The following ABCC2 variants were observed in gnomAD, a reference collection of about 807,000 sequenced individuals.
ABCC2 encodes the protein ATP binding cassette subfamily C member 2.
In ABCC2, 157 loss-of-function variants were observed where a neutral mutation model predicts 173.4. The observed-to-expected ratio is 0.91, with a 90% CI of 0.80 to 1.03. The LOEUF (loss-of-function observed/expected upper bound fraction) is 1.03, where lower values mean the gene tolerates loss of function less well. ABCC2 is among the 50% of genes least tolerant of loss of function. The pLI is 0.00. For missense variants in ABCC2, 1,822 were observed against 1,852.3 expected, an observed-to-expected ratio of 0.98 and a Z score of 0.30; for synonymous variants, 657 against 693.5, an observed-to-expected ratio of 0.95 and a Z score of 0.83.
At chr10:99,811,867 G>A (rs1259803939) in intron 15 of ABCC2, among the ~76,000 whole-genome samples, 1 of 152,220 alleles carries the variant, frequency 6.6e-6, no homozygotes, top group African/African-American at 2.4e-5. Context: ...ATTTGTGTGT[G>A]CAGATTGTGG....
chr10:99,805,924 A>C (rs977195763), intron 11 of ABCC2, among the ~76,000 whole-genome samples: 1 of 152,142 alleles, frequency 6.6e-6, no homozygotes, highest in African/African-American at 2.4e-5. Flanking sequence ...AAAAAAATTA[A>C]CATTCTTTGA....
At position 99,844,375 on chromosome 10, in the gene ABCC2, G is replaced by T. The variant is rs2038986485; in HGVS notation, c.3897G>T (p.Lys1299Asn). ...RPPPDWPSKG[K>N]IQFNNYQVRY... Reference sequence around the variant, plus strand: ...CGCCAGATTGGCCCAGCAAAGGCAAGATCCAGTTTAACAACTACCAAGTGC... The same window carrying T: ...CGCCAGATTGGCCCAGCAAAGGCAATATCCAGTTTAACAACTACCAAGTGC... The change falls in exon 28 of 32, where the codon AAG becomes AAT. Residue 1299 changes from lysine (K) to asparagine (N), a missense_variant. Transcript: ENST00000647814. 1.2e-6 allele frequency: 2 copies of T among 1,614,104 alleles called. No individual in the cohort carries two copies. Among genetic ancestry groups the T allele is most frequent in the East Asian group, 2.2e-5 (1 of 44,894 alleles).
intron 10 of ABCC2, 85 bp downstream of exon 10, chr10:99,804,358 G>A: frequency 6.3e-7 from 1 of 1,578,482 alleles, no homozygotes; most frequent in African/African-American, 1.4e-5. Flanking sequence ...CTTAATGGGA[G>A]TTTGGGCAAG....
intron 14 of ABCC2, 150 bp from the exon 15 acceptor site, chr10:99,811,386 A>C: frequency 3.9e-6 from 3 of 768,122 alleles, no homozygotes; most frequent in Non-Finnish European, 6.8e-6. Flanking sequence ...GTCTCATTCT[A>C]GGAGATTTCA....
chr10:99,813,119 A>G lies in ABCC2; in HGVS notation c.2069A>G (p.Asn690Ser). Residue 690 changes from asparagine to serine, a missense_variant, in exon 16 of 32, where the codon AAT (asparagine) becomes AGT (serine). Asn to Ser is a conservative substitution (Grantham distance 46, BLOSUM62 1). Transcript: ENST00000647814. ...TCAGCCATGCTGGGAGAAATGGAAA[A>G]TGTCCACGGGCACATCACCATCAAG... is the stretch of plus-strand genomic sequence containing the variant. Reference protein sequence around the residue: ...LISAMLGEMENVHGHITIKGT... With the variant: ...LISAMLGEMESVHGHITIKGT... 6.2e-7 allele frequency: 1 copy of G among 1,613,984 alleles called. No homozygotes were observed. The highest frequency in any genetic ancestry group is 8.5e-7 in the Non-Finnish European group (1 of 1,179,870).
intron 11 of ABCC2, 63 bp from the exon 12 acceptor site, chr10:99,807,321 C>A: frequency 6.2e-7 from 1 of 1,600,232 alleles, no homozygotes; most frequent in Admixed American, 1.7e-5. Flanking sequence ...ATGGGTGGAT[C>A]AGATACACCT....
At position 99,850,638 on chromosome 10, in the gene ABCC2, T is replaced by C. The variant is rs1564703757; in HGVS notation, c.4350T>C (p.Ala1450=). ...GGCAGCTGCTGTGCCTGGGCAGGGC[T>C]CTGCTTCGGAAATCCAAGATCCTGG... ...GQRQLLCLGR[A]LLRKSKILVL... Residue 1450 remains alanine, a synonymous_variant, in exon 31 of 32, where the codon GCT becomes GCC. Transcript: ENST00000647814. 6.2e-7 allele frequency: 1 copy of C among 1,614,236 alleles called. No homozygotes were observed.
At chr10:99,818,469 CCAAA>C (rs139997949) in intron 17 of ABCC2, among the ~76,000 whole-genome samples, 2,355 of 152,172 alleles carry the variant, frequency 0.015, 71 homozygotes, top group African/African-American at 0.053. Context: ...CTACTATGTG[CCAAA>C]CAGTGTTTTA....
intron 6 of ABCC2, among the ~76,000 whole-genome samples, chr10:99,796,484 C>T (rs11190288): frequency 6.6e-6 from 1 of 151,678 alleles, no homozygotes; most frequent in Non-Finnish European, 1.5e-5. Context: ...AGCCTATCGA[C>T]AAGATCGCAA....
intron 30 of ABCC2, among the ~76,000 whole-genome samples, chr10:99,850,383 T>C (rs1007798846): frequency 6.6e-6 from 1 of 152,218 alleles, no homozygotes; most frequent in Non-Finnish European, 1.5e-5. Flanking sequence ...GAAATATGAC[T>C]TTTTAATTAA....
chr10:99,846,980 G>A lies in ABCC2; in HGVS notation c.4166G>A (p.Gly1389Glu), dbSNP rs1445293097. ...IIPQDPILFS[G>E]SLRMNLDPFN... ...TTGCAGGACCCCATCCTGTTCTCTG[G>A]AAGCCTGAGGATGAATCTCGACCCT... Residue 1389 changes from glycine (G) to glutamate (E), a missense_variant, in exon 30 of 32, where the codon GGA (glycine) becomes GAA (glutamate). By Grantham distance (98) the Gly-to-Glu change is moderately conservative. Coordinates refer to ENST00000647814, the MANE Select transcript of ABCC2 (RefSeq NM_000392.5). 1.3e-5 allele frequency: 21 copies of A among 1,614,138 alleles called. No individual in the cohort carries two copies. The highest frequency in any genetic ancestry group is 1.7e-5 in the Non-Finnish European group (20 of 1,180,020).
At chr10:99,836,050 A>T in intron 24 of ABCC2, 41 bp from the exon 25 acceptor site, 1 of 1,603,150 alleles carries the variant, frequency 6.2e-7, no homozygotes, top group Non-Finnish European at 8.5e-7. Context: ...TGGATGCCTC[A>T]TGACTGCGGG....
At chr10:99,788,218 C>T (rs1372778347) in intron 2 of ABCC2, among the ~76,000 whole-genome samples, 5 of 152,128 alleles carry the variant, frequency 3.3e-5, no homozygotes, top group African/African-American at 1.2e-4. Flanking sequence ...TATTTTTTCA[C>T]ACAAATGCTA....
intron 19 of ABCC2, among the ~76,000 whole-genome samples, chr10:99,826,884 G>A (rs1285228559): frequency 4.0e-5 from 6 of 149,414 alleles, no homozygotes; most frequent in South Asian, 2.1e-4. Flanking sequence ...CATTTTTATC[G>A]AAAAAGACTT....
intron 19 of ABCC2, among the ~76,000 whole-genome samples, chr10:99,824,352 G>A (rs1459009893): frequency 1.3e-5 from 2 of 148,928 alleles, no homozygotes; most frequent in Non-Finnish European, 3.0e-5. Flanking sequence ...AGGAGTAGAG[G>A]TTTGGATCTT....
At chr10:99,814,256 T>TATATAC (rs1554850631) in intron 16 of ABCC2, among the ~76,000 whole-genome samples, 6 of 34,924 alleles carry the variant, frequency 1.7e-4, no homozygotes, top group African/African-American at 6.1e-4. Context: ...CACGTATGTA[T>TATATAC]ACACACGTAT....
At chr10:99,829,279 G>A (rs1215458803) in intron 19 of ABCC2, among the ~76,000 whole-genome samples, 1 of 152,170 alleles carries the variant, frequency 6.6e-6, no homozygotes, top group Non-Finnish European at 1.5e-5. Context: ...TTGTATGGCT[G>A]TTAGTTTTCT....
chr10:99,803,974 T>C, intron 9 of ABCC2, 45 bp from the exon 10 acceptor site: 1 of 1,613,340 alleles, frequency 6.2e-7, no homozygotes, highest in Non-Finnish European at 8.5e-7. Context: ...CTCCCTAGTA[T>C]CCTTGGCTTT....
At chr10:99,801,264 T>G (rs1251192696) in intron 9 of ABCC2, among the ~76,000 whole-genome samples, 1 of 152,104 alleles carries the variant, frequency 6.6e-6, no homozygotes, top group Non-Finnish European at 1.5e-5. Flanking sequence ...TGAGATGGAG[T>G]CTCGCTCTAT....
Sources: gnomAD v4.1 joint callset for allele counts (sites outside exome capture counted in the v4.1 genomes callset) on GRCh38, gnomAD v4.1.1 for gene constraint, MANE v1.5 for transcripts, NCBI Gene and HGNC (gene_info 2026-07-23, HGNC 2026-07-21) for gene names.